AGBL4: variants seen among roughly 807,000 people sequenced by gnomAD.
AGBL4 encodes cytosolic carboxypeptidase 6.
A neutral mutation model predicts 66.4 loss-of-function variants in AGBL4; 58 were observed. The observed-to-expected ratio is 0.87, with a 90% CI of 0.71 to 1.09. The LOEUF is 1.09. Ranked by LOEUF, AGBL4 falls within the 50% of genes least tolerant of loss-of-function variation. The pLI is 0.00. For missense variants in AGBL4, 579 were observed against 631.0 expected, an observed-to-expected ratio of 0.92 and a Z score of 0.88; for synonymous variants, 234 against 222.9, an observed-to-expected ratio of 1.05 and a Z score of -0.44.
At chr1:49,409,212 A>G (rs1048291969) in intron 3 of AGBL4, among the ~76,000 whole-genome samples, 4 of 151,464 alleles carry the variant, frequency 2.6e-5, no homozygotes, top group African/African-American at 7.3e-5. Flanking sequence ...AATTGATACC[A>G]ATACTTTTTG....
intron 8 of AGBL4, among the ~76,000 whole-genome samples, chr1:48,646,786 G>A (rs319957): frequency 0.67 from 101,982 of 151,390 alleles, 34,801 homozygotes; most frequent in Middle Eastern, 0.76. Flanking sequence ...GGCAAGTTCC[G>A]TGGTAATTAT....
intron 5 of AGBL4, among the ~76,000 whole-genome samples, chr1:49,034,213 T>C (rs1022873396): frequency 3.9e-5 from 6 of 152,054 alleles, no homozygotes; most frequent in African/African-American, 1.4e-4. Flanking sequence ...GATGGAGAAA[T>C]GGGGACAGGG....
At chr1:49,654,375 T>C (rs909679255) in intron 3 of AGBL4, among the ~76,000 whole-genome samples, 14 of 152,170 alleles carry the variant, frequency 9.2e-5, no homozygotes, top group African/African-American at 3.4e-4. Context: ...AGGTGAGCTG[T>C]GGTTTTGAGA....
chr1:49,095,001 T>TCAATGTG (rs1645069147), intron 4 of AGBL4, among the ~76,000 whole-genome samples: 1 of 152,102 alleles, frequency 6.6e-6, no homozygotes, highest in African/African-American at 2.4e-5. Context: ...GGATACAAAA[T>TCAATGTG]CAATGTGCAA....
chr1:49,178,909 G>A (rs1340377641), intron 4 of AGBL4, among the ~76,000 whole-genome samples: 1 of 152,190 alleles, frequency 6.6e-6, no homozygotes, highest in Non-Finnish European at 1.5e-5. Flanking sequence ...AGAACGGTCA[G>A]TAATTACTGG....
rs569800143 is a variant in AGBL4, at chr1:49,193,537, T to A, written c.377+52233A>T. On this transcript the variant is annotated intron_variant, in intron 4 of 13. Transcript: ENST00000371839. ...GTTCTTCTTGGTATTGATTTCTTTT[T>A]TTTTTTTTGAGATGGAGTTTCACTC... is the stretch of plus-strand genomic sequence containing the variant. Among the ~76,000 whole-genome samples, 240 of 152,014 alleles carry A rather than the reference T, an allele frequency of 1.6e-3. 4 individuals are homozygous for A. Among genetic ancestry groups the A allele is most frequent in the African/African-American group, 5.6e-3 (233 of 41,520 alleles).
chr1:49,945,095 G>C (rs1322409069), intron 1 of AGBL4, among the ~76,000 whole-genome samples: 1 of 152,132 alleles, frequency 6.6e-6, no homozygotes, highest in East Asian at 1.9e-4. Context: ...AAGAATAATT[G>C]GTGTTCCTGA....
intron 1 of AGBL4, among the ~76,000 whole-genome samples, chr1:49,913,286 T>A (rs966553356): frequency 6.6e-6 from 1 of 152,208 alleles, no homozygotes; most frequent in Non-Finnish European, 1.5e-5. Context: ...GGAAAAGGCA[T>A]AGGATAGACA....
intron 4 of AGBL4, among the ~76,000 whole-genome samples, chr1:49,113,521 G>A (rs919055308): frequency 1.8e-4 from 27 of 152,218 alleles, no homozygotes; most frequent in South Asian, 2.1e-4. Flanking sequence ...CCAAAGAGCT[G>A]GGCTTACAGC....
intron 7 of AGBL4, among the ~76,000 whole-genome samples, chr1:48,654,687 G>A (rs529713194): frequency 6.6e-6 from 1 of 152,332 alleles, no homozygotes; most frequent in African/African-American, 2.4e-5. Flanking sequence ...AGTGCCCAGT[G>A]CAGGCACTCA....
intron 3 of AGBL4, among the ~76,000 whole-genome samples, chr1:49,539,651 T>A (rs1294652476): frequency 1.3e-5 from 2 of 152,202 alleles, no homozygotes; most frequent in Non-Finnish European, 2.9e-5. Context: ...AGGAGCCGCA[T>A]ATTTATATAC....
chr1:49,445,475 C>A (rs1408401455), intron 3 of AGBL4, among the ~76,000 whole-genome samples: 1 of 152,122 alleles, frequency 6.6e-6, no homozygotes, highest in Non-Finnish European at 1.5e-5. Context: ...AGGATGCCAA[C>A]AATTTGAGTA....
intron 6 of AGBL4, among the ~76,000 whole-genome samples, chr1:48,802,844 C>T (rs1170711099): frequency 6.6e-6 from 1 of 152,176 alleles, no homozygotes; most frequent in Non-Finnish European, 1.5e-5. Context: ...TTCTACCTGA[C>T]CCATTCAAGT....
intron 4 of AGBL4, among the ~76,000 whole-genome samples, chr1:49,117,395 T>C (rs1471064427): frequency 6.6e-6 from 1 of 152,202 alleles, no homozygotes. Flanking sequence ...TTAATTTTTG[T>C]ATAAGGTGTA....
intron 5 of AGBL4, among the ~76,000 whole-genome samples, chr1:48,880,482 A>G (rs1186740280): frequency 6.6e-6 from 1 of 152,208 alleles, no homozygotes; most frequent in Non-Finnish European, 1.5e-5. Context: ...GTAGATACCC[A>G]GTAGTGGGAT....
At chr1:49,320,741 A>G (rs988302487) in intron 3 of AGBL4, among the ~76,000 whole-genome samples, 5 of 152,200 alleles carry the variant, frequency 3.3e-5, no homozygotes, top group African/African-American at 1.2e-4. Flanking sequence ...TAAGATGTGT[A>G]TTAGTCCATT....
chr1:49,041,802 T>G (rs1191734121), intron 5 of AGBL4, among the ~76,000 whole-genome samples: 1 of 152,094 alleles, frequency 6.6e-6, no homozygotes. Flanking sequence ...CGAATCTTCT[T>G]GTCTAGCCTA....
intron 3 of AGBL4, among the ~76,000 whole-genome samples, chr1:49,378,564 G>GA (rs933437515): frequency 1.3e-4 from 19 of 150,060 alleles, no homozygotes; most frequent in East Asian, 2.0e-4. Flanking sequence ...CATTTGGCAA[G>GA]AAAAAAAAAG....
chr1:50,004,591 G>A (rs534910418), intron 1 of AGBL4, among the ~76,000 whole-genome samples: 2 of 152,254 alleles, frequency 1.3e-5, no homozygotes, highest in Admixed American at 1.3e-4. Context: ...GCCACAGTAG[G>A]ACAGGGCCCC....
Sources: allele counts gnomAD v4.1 joint callset (sites outside exome capture counted in the v4.1 genomes callset), GRCh38; gene constraint gnomAD v4.1.1; transcripts MANE v1.5; gene names NCBI Gene and HGNC (gene_info 2026-07-23, HGNC 2026-07-21).